Variants in NOL4 observed in about 807,000 individuals in gnomAD.
NOL4 encodes the protein cancer/testis antigen 125.
A neutral mutation model predicts 75.9 loss-of-function variants in NOL4; 17 were observed. That is an observed-to-expected ratio of 0.22 (90% CI 0.15 to 0.34). NOL4 has a LOEUF of 0.34. Among genes scored for constraint, NOL4 ranks in the 10% least tolerant of loss-of-function variants. NOL4 has a pLI of 1.00. For missense variants in NOL4, 614 were observed against 793.5 expected, an observed-to-expected ratio of 0.77 and a Z score of 2.72; for synonymous variants, 292 against 289.9, an observed-to-expected ratio of 1.01 and a Z score of -0.07.
chr18:34,088,766 G>A (rs2078366853), intron 5 of NOL4, among the ~76,000 whole-genome samples: 1 of 152,050 alleles, frequency 6.6e-6, no homozygotes, highest in Non-Finnish European at 1.5e-5. Flanking sequence ...AAAAATGAGG[G>A]TAAAATACTT....
At chr18:34,023,802 C>T (rs967878334) in intron 5 of NOL4, among the ~76,000 whole-genome samples, 18 of 151,930 alleles carry the variant, frequency 1.2e-4, no homozygotes, top group Non-Finnish European at 1.9e-4. Flanking sequence ...GCTATCTCTG[C>T]GAGCACAGAT....
intron 6 of NOL4, among the ~76,000 whole-genome samples, chr18:33,958,682 A>G (rs1402241349): frequency 6.6e-6 from 1 of 152,172 alleles, no homozygotes; most frequent in East Asian, 1.9e-4. Context: ...TATTGAACTT[A>G]GCTATGCAAG....
At chr18:33,978,199 A>G (rs1337662105) in intron 6 of NOL4, among the ~76,000 whole-genome samples, 1 of 152,194 alleles carries the variant, frequency 6.6e-6, no homozygotes, top group East Asian at 1.9e-4. Flanking sequence ...TCTTATTCCA[A>G]AATTAATATT....
intron 1 of NOL4, among the ~76,000 whole-genome samples, chr18:34,188,640 T>C (rs544168509): frequency 6.6e-6 from 1 of 152,314 alleles, no homozygotes; most frequent in South Asian, 2.1e-4. Context: ...TAGTGAAAAC[T>C]AGAATGGCTC....
chr18:34,191,397 T>C (rs1217267056), intron 1 of NOL4, among the ~76,000 whole-genome samples: 2 of 152,140 alleles, frequency 1.3e-5, no homozygotes, highest in Non-Finnish European at 2.9e-5. Context: ...ATTAACATAA[T>C]ATCCAACTTT....
Position 34,084,397 on chromosome 18 carries a change from G to A in NOL4, c.772+9068C>T, listed in dbSNP as rs201042282. On this transcript the variant is annotated intron_variant, in intron 5 of 10. Coordinates refer to ENST00000261592, the MANE Select transcript of NOL4 (RefSeq NM_003787.5). ...AAATTGTAACAGGGAGGCCCCGCCC[G>A]TCGAGGATAAGGAAAGCAACTGCCT... Among the ~76,000 whole-genome samples, 37 of 152,246 alleles carry A rather than the reference G, an allele frequency of 2.4e-4. No individual in the cohort carries two copies. In the East Asian group the frequency reaches 2.5e-3, roughly 10 times the overall value.
intron 5 of NOL4, among the ~76,000 whole-genome samples, chr18:34,051,107 T>C (rs2076606749): frequency 6.6e-6 from 1 of 152,008 alleles, no homozygotes; most frequent in Non-Finnish European, 1.5e-5. Flanking sequence ...GCCTGACATA[T>C]TGAAAATACT....
At chr18:34,154,411 C>T (rs569603111) in intron 1 of NOL4, among the ~76,000 whole-genome samples, 1 of 152,022 alleles carries the variant, frequency 6.6e-6, no homozygotes, top group East Asian at 1.9e-4. Flanking sequence ...TTGCTTATCT[C>T]CCCAGAGATA....
intron 9 of NOL4, among the ~76,000 whole-genome samples, chr18:33,893,604 G>A (rs967065751): frequency 3.3e-5 from 5 of 152,044 alleles, no homozygotes; most frequent in African/African-American, 1.2e-4. Context: ...CCACTGTTTA[G>A]ACTTTATATT....
rs2037457638 is a variant in NOL4, at chr18:34,223,425, T to G, written c.-172A>C. 1 of 835,634 alleles carries G rather than the reference T, an allele frequency of 1.2e-6. No individual in the cohort carries two copies. The highest frequency in any genetic ancestry group is 2.9e-5 in the Admixed American group (1 of 34,714). The allele number at this position is 835,634 out of a possible 1,614,324, so 51.8% of individuals were successfully genotyped here. A position where few individuals can be genotyped will look rare whatever the true frequency, so the allele number is the denominator to read the frequency against. Reference sequence around the variant, plus strand: ...TGGGAAGAGGGGAGGAGGGTCCGGTTGGGCACCAGCAATCAATGCCCCGTG... The same window carrying G: ...TGGGAAGAGGGGAGGAGGGTCCGGTGGGGCACCAGCAATCAATGCCCCGTG... On this transcript the variant is annotated 5_prime_UTR_variant, in exon 1 of 11. Coordinates refer to ENST00000261592, the MANE Select transcript of NOL4 (RefSeq NM_003787.5).
intron 6 of NOL4, among the ~76,000 whole-genome samples, chr18:33,969,273 A>G (rs2070855520): frequency 6.6e-6 from 1 of 152,178 alleles, no homozygotes; most frequent in African/African-American, 2.4e-5. Context: ...TTCCTCCTAA[A>G]GAAATATTAC....
At chr18:34,018,046 AAAAAG>A (rs1206517363) in intron 6 of NOL4, among the ~76,000 whole-genome samples, 4 of 152,196 alleles carry the variant, frequency 2.6e-5, no homozygotes, top group Admixed American at 6.6e-5. Context: ...AGGGAATAAA[AAAAAG>A]AAGAGCAAAC....
intron 5 of NOL4, among the ~76,000 whole-genome samples, chr18:34,071,825 G>A (rs11662116): frequency 0.39 from 58,713 of 151,964 alleles, 11,866 homozygotes; most frequent in South Asian, 0.54. Flanking sequence ...GTAACACATC[G>A]TAAGACAAGG....
At chr18:34,121,191 A>G (rs1044306136) in intron 2 of NOL4, 4 of 152,238 alleles carry the variant, frequency 2.6e-5, no homozygotes, top group Non-Finnish European at 4.4e-5. Flanking sequence ...TTATAGAATT[A>G]CTTGTGACAT....
intron 9 of NOL4, among the ~76,000 whole-genome samples, chr18:33,911,980 T>C (rs1279807597): frequency 6.6e-6 from 1 of 152,126 alleles, no homozygotes; most frequent in Non-Finnish European, 1.5e-5. Flanking sequence ...TAATGTCTCC[T>C]GGCAATACAG....
chr18:34,008,120 C>A (rs763433033), intron 6 of NOL4, among the ~76,000 whole-genome samples: 1 of 151,970 alleles, frequency 6.6e-6, no homozygotes, highest in Non-Finnish European at 1.5e-5. Context: ...AAGGGCAAGT[C>A]CACTCCATTT....
intron 5 of NOL4, among the ~76,000 whole-genome samples, chr18:34,076,802 T>G (rs556730406): frequency 6.6e-6 from 1 of 152,362 alleles, no homozygotes; most frequent in South Asian, 2.1e-4. Flanking sequence ...TCCAGAATTC[T>G]TAGACACAAA....
chr18:33,928,535 T>G (rs2067482622), intron 9 of NOL4, among the ~76,000 whole-genome samples: 1 of 151,960 alleles, frequency 6.6e-6, no homozygotes, highest in African/African-American at 2.4e-5. Flanking sequence ...AGATTCTCCA[T>G]CCATGACGAG....
chr18:34,154,597 G>A (rs1033610083), intron 1 of NOL4, among the ~76,000 whole-genome samples: 8 of 151,726 alleles, frequency 5.3e-5, no homozygotes, highest in Non-Finnish European at 1.2e-4. Context: ...AAACATTAGA[G>A]TCATTTATGT....
Sources: allele counts gnomAD v4.1 joint callset (sites outside exome capture counted in the v4.1 genomes callset), GRCh38; gene constraint gnomAD v4.1.1; transcripts MANE v1.5; gene names NCBI Gene and HGNC (gene_info 2026-07-23, HGNC 2026-07-21).